DLGAP2: variants seen among roughly 807,000 people sequenced by gnomAD.
DLGAP2 encodes the protein DLG associated protein 2, also known as disks large-associated protein 2.
A neutral mutation model predicts 100.3 loss-of-function variants in DLGAP2; 26 were observed. That is an observed-to-expected ratio of 0.26 (90% CI 0.19 to 0.36). The LOEUF is 0.36. DLGAP2 is among the 10% of genes least tolerant of loss of function. The pLI, the probability that DLGAP2 is intolerant of heterozygous loss-of-function variation, is 1.00. For synonymous variants in DLGAP2, 886 were observed against 630.1 expected (o/e 1.41, Z -6.08); for missense variants, 1,858 against 1,453.2 (o/e 1.28, Z -4.53).
chr8:1,603,208 A>C (rs1353337526), intron 6 of DLGAP2, among the ~76,000 whole-genome samples: 3 of 97,300 alleles, frequency 3.1e-5, no homozygotes, highest in African/African-American at 4.2e-5. Context: ...AGTTCTGCAG[A>C]GCTGGTTAGA....
chr8:1,040,511 G>T (rs1802311361), intron 2 of DLGAP2, among the ~76,000 whole-genome samples: 1 of 148,742 alleles, frequency 6.7e-6, no homozygotes, highest in Non-Finnish European at 1.5e-5. Context: ...GGTGTGCGTG[G>T]TTGGCTCGGT....
intron 3 of DLGAP2, among the ~76,000 whole-genome samples, chr8:1,498,769 C>G (rs140022878): frequency 1.3e-5 from 2 of 152,312 alleles, no homozygotes; most frequent in Non-Finnish European, 2.9e-5. Flanking sequence ...GTGACTGAAG[C>G]CACAGGAAGA....
intron 2 of DLGAP2, among the ~76,000 whole-genome samples, chr8:1,190,287 G>A (rs1022533352): frequency 1.3e-5 from 2 of 152,136 alleles, no homozygotes; most frequent in Admixed American, 6.5e-5. Flanking sequence ...TGGCACCAAC[G>A]TGCCCTCCAT....
chr8:933,483 T>G (rs1294617877), intron 2 of DLGAP2, among the ~76,000 whole-genome samples: 1 of 138,674 alleles, frequency 7.2e-6, no homozygotes, highest in Middle Eastern at 4.4e-3. Flanking sequence ...TGGAGACACC[T>G]GGCTGTGGGC....
chr8:1,402,277 G>A (rs1183641584), intron 3 of DLGAP2, among the ~76,000 whole-genome samples: 1 of 7,244 alleles, frequency 1.4e-4, no homozygotes. Context: ...TGCTTACTGA[G>A]TGCCACCTCC....
chr8:1,467,187 A>G (rs991416929), intron 3 of DLGAP2, among the ~76,000 whole-genome samples: 3 of 140,372 alleles, frequency 2.1e-5, no homozygotes, highest in Admixed American at 6.8e-5. Flanking sequence ...GCAGGGGCCC[A>G]GGAGGTCTCT....
intron 2 of DLGAP2, among the ~76,000 whole-genome samples, chr8:1,111,731 T>C (rs534832910): frequency 6.6e-6 from 1 of 152,196 alleles, no homozygotes; most frequent in East Asian, 1.9e-4. Flanking sequence ...GCAGAGGTCA[T>C]GGGTCTTATT....
At chr8:1,120,194 G>A (rs1013736928) in intron 2 of DLGAP2, among the ~76,000 whole-genome samples, 1 of 152,148 alleles carries the variant, frequency 6.6e-6, no homozygotes, top group African/African-American at 2.4e-5. Flanking sequence ...ATTTATGGGA[G>A]GAGGAAGAGA....
intron 3 of DLGAP2, among the ~76,000 whole-genome samples, chr8:1,343,105 C>T (rs1801456587): frequency 6.6e-6 from 1 of 152,174 alleles, no homozygotes; most frequent in South Asian, 2.1e-4. Flanking sequence ...GTAGATGGTG[C>T]TTAATTATTC....
chr8:965,175 C>T (rs1164805663), intron 2 of DLGAP2, among the ~76,000 whole-genome samples: 1 of 130,850 alleles, frequency 7.6e-6, no homozygotes, highest in Non-Finnish European at 1.6e-5. Flanking sequence ...GACCCCTGCG[C>T]TGCACACGGC....
chr8:1,407,366 C>T (rs1282918219), intron 3 of DLGAP2, among the ~76,000 whole-genome samples: 1 of 91,210 alleles, frequency 1.1e-5, no homozygotes, highest in African/African-American at 4.5e-5. Context: ...TTACTGAGCG[C>T]TCCCTCCTTG....
chr8:1,080,302 G>GCTCT (rs1203030274), intron 2 of DLGAP2, among the ~76,000 whole-genome samples: 1 of 151,836 alleles, frequency 6.6e-6, no homozygotes, highest in Non-Finnish European at 1.5e-5. Flanking sequence ...GTGCTGCTGT[G>GCTCT]CTCTCCTCCG....
At chr8:1,193,359 G>A (rs1009359213) in intron 2 of DLGAP2, among the ~76,000 whole-genome samples, 8 of 152,086 alleles carry the variant, frequency 5.3e-5, no homozygotes, top group Admixed American at 6.5e-5. Context: ...TTTAATGATC[G>A]CCATTCTAAC....
intron 1 of DLGAP2, among the ~76,000 whole-genome samples, chr8:793,421 G>A (rs1293926398): frequency 6.6e-6 from 1 of 152,138 alleles, no homozygotes; most frequent in Non-Finnish European, 1.5e-5. Context: ...CCATTTTGCT[G>A]TGGAATTTCA....
At chr8:1,680,512 G>C (rs1467689933) in intron 12 of DLGAP2, 2 of 152,234 alleles carry the variant, frequency 1.3e-5, no homozygotes, top group East Asian at 1.9e-4. Context: ...TTCCACATTT[G>C]TCTCTTAATC....
At chr8:1,215,411 C>T (rs1013182455) in intron 2 of DLGAP2, among the ~76,000 whole-genome samples, 7 of 152,130 alleles carry the variant, frequency 4.6e-5, no homozygotes, top group African/African-American at 1.7e-4. Context: ...CATTAGGGTG[C>T]ATCACCTGGA....
chr8:1,055,789 C>T (rs894838934), intron 2 of DLGAP2, among the ~76,000 whole-genome samples: 2 of 152,182 alleles, frequency 1.3e-5, no homozygotes, highest in East Asian at 1.9e-4. Flanking sequence ...GAGGAGGCCT[C>T]GCCAGCAGAG....
intron 6 of DLGAP2, among the ~76,000 whole-genome samples, chr8:1,598,082 G>A (rs771131362): frequency 1.6e-4 from 25 of 152,280 alleles, no homozygotes; most frequent in African/African-American, 4.1e-4. Context: ...AAGCAGTGTC[G>A]AATTTTATTG....
In DLGAP2 at chr8:1,286,835, T is replaced by C. The variant is rs565745533; in HGVS notation, c.106+27952T>C. ...TGGAAGGATTAGAGTTGTTAGGCCGTATGGGGAAAGTGACTTGATTTGCAC... is the reference window on the plus strand; with the variant it reads ...TGGAAGGATTAGAGTTGTTAGGCCGCATGGGGAAAGTGACTTGATTTGCAC... On this transcript the variant is annotated intron_variant, in intron 3 of 14. Coordinates refer to ENST00000637795, the MANE Select transcript of DLGAP2 (RefSeq NM_001346810.2). Among the ~76,000 whole-genome samples the C allele has an allele frequency of 6.6e-5, 10 of 152,336 alleles. No individual in the cohort carries two copies. The South Asian group carries it at 2.1e-3, about 32-fold the overall frequency.
Sources: allele counts gnomAD v4.1 joint callset (sites outside exome capture counted in the v4.1 genomes callset), GRCh38; gene constraint gnomAD v4.1.1; transcripts MANE v1.5; gene names NCBI Gene and HGNC (gene_info 2026-07-23, HGNC 2026-07-21).